Variants in LAPTM4B observed in about 807,000 individuals in gnomAD.
LAPTM4B encodes lysosomal protein transmembrane 4 beta.
In LAPTM4B, 26 loss-of-function variants were observed where a neutral mutation model predicts 28.5. The observed-to-expected ratio is 0.91, with a 90% CI of 0.67 to 1.27. The LOEUF is 1.27. LAPTM4B is among the 50% of genes most tolerant of loss of function. The pLI is 0.00. For missense variants in LAPTM4B, 288 were observed against 285.8 expected (o/e 1.01, Z -0.06); for synonymous variants, 109 against 106.4 (o/e 1.02, Z -0.15).
chr8:97,829,208 T>C (rs1258267630), intron 6 of LAPTM4B, among the ~76,000 whole-genome samples: 2 of 152,106 alleles, frequency 1.3e-5, no homozygotes, highest in Admixed American at 6.6e-5. Flanking sequence ...TCATGGTGTA[T>C]AAGAAAGCGC....
chr8:97,821,601 T>C (rs7843962), intron 5 of LAPTM4B, among the ~76,000 whole-genome samples: 69,622 of 151,600 alleles, frequency 0.46, 16,327 homozygotes, highest in East Asian at 0.57. Context: ...CAAGCGTAGC[T>C]GTGACGGTTT....
At position 97,782,950 on chromosome 8, in the gene LAPTM4B, T is replaced by TTTATTTA. The variant is rs1563599721; in HGVS notation, c.99+6845_99+6846insTTTATTA. On this transcript the variant is annotated intron_variant, in intron 1 of 6. Coordinates refer to ENST00000521545, the MANE Select transcript of LAPTM4B (RefSeq NM_018407.6). ...TATTTATTTATTTATTTATTTATTT[T>TTTATTTA]TTAGTAGAGACGGGGTTTCTCCATG... Among the ~76,000 whole-genome samples the TTTATTTA allele has an allele frequency of 3.3e-3, 223 of 67,490 alleles. 1 individual carries two copies. The highest frequency in any genetic ancestry group is 1.0e-2 in the African/African-American group (207 of 20,770). 44.3% of individuals were successfully genotyped at this position (67,490 alleles called of 152,430 possible). A position where few individuals can be genotyped will look rare whatever the true frequency, so the allele number is the denominator to read the frequency against.
At chr8:97,836,946 A>AAT (rs112775732) in intron 6 of LAPTM4B, among the ~76,000 whole-genome samples, 4 of 151,274 alleles carry the variant, frequency 2.6e-5, no homozygotes, top group Non-Finnish European at 4.4e-5. Flanking sequence ...GAGAAAAAAA[A>AAT]ATATATATAT....
chr8:97,820,013 A>G lies in LAPTM4B; in HGVS notation c.507+775A>G, dbSNP rs556684887. Among the ~76,000 whole-genome samples the G allele has an allele frequency of 3.9e-3, 601 of 152,234 alleles. 2 individuals carry two copies. The highest frequency in any genetic ancestry group is 7.0e-3 in the South Asian group (34 of 4,828). On this transcript the variant is annotated intron_variant, in intron 5 of 6. Transcript: ENST00000521545. ...GCCTCCCAAAGCTGGGATTACAGGC[A>G]TGAGCCACTGTGCCCGGCTTCAAGA...
chr8:97,817,741 T>C (rs1227736104), intron 4 of LAPTM4B, among the ~76,000 whole-genome samples: 2 of 147,254 alleles, frequency 1.4e-5, no homozygotes, highest in East Asian at 4.1e-4. Context: ...CCCACTACCA[T>C]GCCTGGCTAA....
At chr8:97,793,889 C>G (rs1369860057) in intron 1 of LAPTM4B, among the ~76,000 whole-genome samples, 1 of 152,186 alleles carries the variant, frequency 6.6e-6, no homozygotes, top group Non-Finnish European at 1.5e-5. Context: ...TCACTGCAGC[C>G]TTGAACTCAT....
At chr8:97,811,274 C>T (rs1377203312) in intron 2 of LAPTM4B, among the ~76,000 whole-genome samples, 1 of 152,148 alleles carries the variant, frequency 6.6e-6, no homozygotes, top group Non-Finnish European at 1.5e-5. Flanking sequence ...GGCTACACAA[C>T]TCAGTCCTAG....
At position 97,816,167 on chromosome 8, in the gene LAPTM4B, A is replaced by G. The variant is rs1371647439; in HGVS notation, c.395A>G (p.Tyr132Cys). 4 of 1,612,096 alleles carry G rather than the reference A, an allele frequency of 2.5e-6. No homozygotes were observed. The highest frequency in any genetic ancestry group is 1.1e-5 in the South Asian group (1 of 90,316). The change falls in exon 4 of 7, where the codon TAC (tyrosine) becomes TGC (cysteine). Residue 132 changes from tyrosine (Y) to cysteine (C), a missense_variant. By Grantham distance (194) the Tyr-to-Cys change is radical. Transcript: ENST00000521545. ...ATTTATCCAAACTCCATTCAGGAAT[A>G]CATACGGCAACTGGTACGTGGACCT... is the stretch of plus-strand genomic sequence containing the variant. Reference protein sequence around the residue: ...VLIYPNSIQEYIRQLPPNFPY... With the variant: ...VLIYPNSIQECIRQLPPNFPY...
chr8:97,820,979 G>C (rs1006125684), intron 5 of LAPTM4B, among the ~76,000 whole-genome samples: 14 of 151,436 alleles, frequency 9.2e-5, no homozygotes, highest in Admixed American at 2.6e-4. Flanking sequence ...TGCCTGCCTC[G>C]GCCTCCCAAA....
chr8:97,794,845 C>T (rs1347721783), intron 1 of LAPTM4B, among the ~76,000 whole-genome samples: 1 of 152,194 alleles, frequency 6.6e-6, no homozygotes, highest in Non-Finnish European at 1.5e-5. Flanking sequence ...TCCTGAGTAG[C>T]TGGGATTACA....
chr8:97,845,574 T>C (rs1338233825), intron 6 of LAPTM4B, among the ~76,000 whole-genome samples: 4 of 152,058 alleles, frequency 2.6e-5, no homozygotes. Flanking sequence ...ACCTCACCCT[T>C]CTTAGGACCT....
At chr8:97,841,099 C>G (rs1817341054) in intron 6 of LAPTM4B, among the ~76,000 whole-genome samples, 9 of 50,962 alleles carry the variant, frequency 1.8e-4, no homozygotes. Context: ...TCCTCACATC[C>G]CAGATGGGGC....
At chr8:97,817,156 G>C (rs750542266) in intron 4 of LAPTM4B, among the ~76,000 whole-genome samples, 1 of 151,974 alleles carries the variant, frequency 6.6e-6, no homozygotes, top group African/African-American at 2.4e-5. Flanking sequence ...TTATTTTTGG[G>C]ACAGGGTCTC....
intron 6 of LAPTM4B, among the ~76,000 whole-genome samples, chr8:97,827,376 G>GAACTCCTGT (rs1817105642): frequency 6.6e-6 from 1 of 152,208 alleles, no homozygotes; most frequent in Admixed American, 6.5e-5. Flanking sequence ...AGGGATAGCT[G>GAACTCCTGT]AACTCCTGGA....
chr8:97,850,465 GGTGTGT>G (rs761478917), intron 6 of LAPTM4B, among the ~76,000 whole-genome samples: 2 of 37,872 alleles, frequency 5.3e-5, no homozygotes, highest in Admixed American at 3.7e-4. Context: ...GGAGAGGAGG[GGTGTGT>G]GTGTGTGTGT....
intron 6 of LAPTM4B, among the ~76,000 whole-genome samples, chr8:97,827,194 C>T (rs1817103233): frequency 6.6e-6 from 1 of 152,330 alleles, no homozygotes; most frequent in African/African-American, 2.4e-5. Flanking sequence ...GGTTATTACC[C>T]TAGGTGTGTC....
In LAPTM4B at chr8:97,815,312, T is replaced by C. The variant is rs1417539738; in HGVS notation, c.212-16T>C. On this transcript the variant is annotated splice_polypyrimidine_tract_variant and intron_variant, in intron 2 of 6. Transcript: ENST00000521545. ...GATTGTCTTTTTTAAAGAAATTCTT[T>C]TTAATCTTTCGGCAGACATGTGCAT... 5.0e-6 allele frequency: 8 copies of C among 1,611,080 alleles called. No individual in the cohort carries two copies. The highest frequency in any genetic ancestry group is 3.3e-5 in the South Asian group (3 of 91,018).
intron 1 of LAPTM4B, among the ~76,000 whole-genome samples, chr8:97,791,347 C>G (rs976120610): frequency 1.3e-5 from 2 of 152,132 alleles, no homozygotes; most frequent in African/African-American, 4.8e-5. Context: ...GCCTCCACAC[C>G]CTGTCCCTCC....
At chr8:97,792,352 C>CTCCA (rs1387020023) in intron 1 of LAPTM4B, among the ~76,000 whole-genome samples, 34 of 152,132 alleles carry the variant, frequency 2.2e-4, no homozygotes, top group Admixed American at 2.2e-3. Flanking sequence ...ACCTCCTGGG[C>CTCCA]TCCAGGTCCC....
Sources: gnomAD v4.1 joint callset for allele counts (sites outside exome capture counted in the v4.1 genomes callset) on GRCh38, gnomAD v4.1.1 for gene constraint, MANE v1.5 for transcripts, NCBI Gene and HGNC (gene_info 2026-07-23, HGNC 2026-07-21) for gene names.